CTIF: variants seen among roughly 807,000 people sequenced by gnomAD.
The protein encoded by CTIF is cap binding complex dependent translation initiation factor.
A neutral mutation model predicts 66.0 loss-of-function variants in CTIF; 21 were observed. The ratio of observed to expected loss-of-function variants is 0.32; its 90% CI spans 0.23 to 0.46. The LOEUF (loss-of-function observed/expected upper bound fraction) is 0.46, where lower values mean the gene tolerates loss of function less well. Ranked by LOEUF, CTIF falls within the 20% of genes least tolerant of loss-of-function variation. The pLI, the probability that CTIF is intolerant of heterozygous loss-of-function variation, is 1.00. For missense variants in CTIF, 739 were observed against 812.7 expected (o/e 0.91, Z 1.10); for synonymous variants, 345 against 326.4 (o/e 1.06, Z -0.62).
chr18:48,602,115 CT>C (rs971403848), intron 1 of CTIF, among the ~76,000 whole-genome samples: 1 of 152,220 alleles, frequency 6.6e-6, no homozygotes, highest in African/African-American at 2.4e-5. Context: ...CATGGGCCTA[CT>C]GTTCATAGTG....
chr18:48,706,531 A>G (rs2092156949), intron 6 of CTIF, among the ~76,000 whole-genome samples: 1 of 151,936 alleles, frequency 6.6e-6, no homozygotes, highest in Non-Finnish European at 1.5e-5. Context: ...CTGTCATCAC[A>G]GGGCAAGGCC....
At chr18:48,593,353 T>A (rs1168150927) in intron 1 of CTIF, among the ~76,000 whole-genome samples, 21 of 152,130 alleles carry the variant, frequency 1.4e-4, no homozygotes, top group Admixed American at 1.4e-3. Context: ...ATTATTGATA[T>A]TAATAATATG....
intron 7 of CTIF, among the ~76,000 whole-genome samples, chr18:48,744,690 T>C (rs1349829081): frequency 6.6e-6 from 1 of 152,222 alleles, no homozygotes; most frequent in Non-Finnish European, 1.5e-5. Flanking sequence ...AGGAAACTGA[T>C]ATAGATACGA....
chr18:48,546,732 C>A (rs147746859), intron 1 of CTIF, among the ~76,000 whole-genome samples: 1 of 151,980 alleles, frequency 6.6e-6, no homozygotes, highest in Non-Finnish European at 1.5e-5. Flanking sequence ...AATCAAGAGC[C>A]CTGCCTAAAA....
intron 1 of CTIF, among the ~76,000 whole-genome samples, chr18:48,615,968 G>A (rs11082686): frequency 0.66 from 101,102 of 152,132 alleles, 36,218 homozygotes; most frequent in East Asian, 0.92. Context: ...CCCCTTTCTC[G>A]GCAACTATTA....
intron 10 of CTIF, among the ~76,000 whole-genome samples, chr18:48,843,126 A>G (rs1474258363): frequency 7.9e-6 from 1 of 125,984 alleles, no homozygotes; most frequent in East Asian, 2.7e-4. Flanking sequence ...CTGGCTGCCC[A>G]AACTATCCCC....
chr18:48,672,036 G>C, intron 6 of CTIF, among the ~76,000 whole-genome samples: 1 of 68,538 alleles, frequency 1.5e-5, no homozygotes, highest in Non-Finnish European at 3.0e-5. Flanking sequence ...AGGAAATTCT[G>C]ATTATCAGCA....
intron 10 of CTIF, among the ~76,000 whole-genome samples, chr18:48,848,293 C>T (rs2069124630): frequency 6.6e-6 from 1 of 152,214 alleles, no homozygotes; most frequent in Admixed American, 6.5e-5. Flanking sequence ...CCCAGCCAGC[C>T]AACCTCAGCT....
chr18:48,674,043 A>G (rs1568124215), intron 6 of CTIF, among the ~76,000 whole-genome samples: 1 of 152,226 alleles, frequency 6.6e-6, no homozygotes, highest in East Asian at 1.9e-4. Flanking sequence ...AGGGGAGCAC[A>G]TGGCTGTTCT....
intron 6 of CTIF, among the ~76,000 whole-genome samples, chr18:48,685,183 A>G (rs893149690): frequency 6.6e-6 from 1 of 151,826 alleles, no homozygotes; most frequent in African/African-American, 2.4e-5. Flanking sequence ...ATGTCTGTCA[A>G]TTTGATTTTG....
intron 10 of CTIF, among the ~76,000 whole-genome samples, chr18:48,829,547 G>A (rs772749980): frequency 8.6e-5 from 13 of 151,540 alleles, no homozygotes; most frequent in South Asian, 2.1e-4. Context: ...AGAGCCCCCC[G>A]ACCTCCGTGC....
intron 2 of CTIF, among the ~76,000 whole-genome samples, chr18:48,630,228 T>C (rs1222844994): frequency 1.3e-5 from 2 of 151,766 alleles, no homozygotes; most frequent in Non-Finnish European, 2.9e-5. Flanking sequence ...CACAAACAGA[T>C]GTAGGGCTTT....
chr18:48,689,221 A>G (rs952770595), intron 6 of CTIF, among the ~76,000 whole-genome samples: 1 of 152,132 alleles, frequency 6.6e-6, no homozygotes, highest in Non-Finnish European at 1.5e-5. Flanking sequence ...TTCCTTTTTC[A>G]TCCCTGAAGG....
intron 7 of CTIF, among the ~76,000 whole-genome samples, chr18:48,729,743 G>A (rs939556298): frequency 3.3e-5 from 5 of 152,212 alleles, no homozygotes; most frequent in African/African-American, 7.2e-5. Context: ...CTTCCTGTCT[G>A]GGGAGGGTGG....
At chr18:48,808,510 T>G (rs1339668497) in intron 9 of CTIF, among the ~76,000 whole-genome samples, 3 of 145,114 alleles carry the variant, frequency 2.1e-5, no homozygotes, top group Non-Finnish European at 4.5e-5. Context: ...CTTCAAATTT[T>G]TGGTCCTTTT....
Position 48,569,555 on chromosome 18 carries a change from T to A in CTIF, c.-29+30243T>A, listed in dbSNP as rs534494265. ...GATTTCATAACAGGGTTCCTTTAAA[T>A]ACCCAGCCGCACCAGTATACTTAAC... On this transcript the variant is annotated intron_variant, in intron 1 of 11. Coordinates refer to ENST00000256413, the MANE Select transcript of CTIF (RefSeq NM_014772.3). Among the ~76,000 whole-genome samples the A allele has an allele frequency of 3.9e-5, 6 of 152,330 alleles. No individual in the cohort carries two copies. In the South Asian group the frequency reaches 1.2e-3, roughly 32 times the overall value.
chr18:48,780,445 T>C (rs939274379), intron 9 of CTIF, among the ~76,000 whole-genome samples: 2 of 152,178 alleles, frequency 1.3e-5, no homozygotes, highest in African/African-American at 4.8e-5. Context: ...CCCCGTCATC[T>C]CGGTGTCCCG....
chr18:48,584,129 C>T (rs748357988), intron 1 of CTIF, among the ~76,000 whole-genome samples: 14 of 152,172 alleles, frequency 9.2e-5, no homozygotes, highest in Non-Finnish European at 2.1e-4. Context: ...CAAGGCTTAA[C>T]AAATAGGGTT....
chr18:48,614,797 C>T (rs1344698354), intron 1 of CTIF, among the ~76,000 whole-genome samples: 1 of 152,164 alleles, frequency 6.6e-6, no homozygotes, highest in East Asian at 1.9e-4. Flanking sequence ...TACTTAAAGC[C>T]ACTGAATTAT....
Sources: gnomAD v4.1 joint callset for allele counts (sites outside exome capture counted in the v4.1 genomes callset) on GRCh38, gnomAD v4.1.1 for gene constraint, MANE v1.5 for transcripts, NCBI Gene and HGNC (gene_info 2026-07-23, HGNC 2026-07-21) for gene names.